Variants in RALYL observed in about 807,000 individuals in gnomAD.
The protein encoded by RALYL is RNA-binding Raly-like protein.
RALYL carries 29 observed loss-of-function variants against 35.1 expected under a neutral mutation model. The observed-to-expected ratio is 0.83, with a 90% confidence interval of 0.61 to 1.13. RALYL has a LOEUF of 1.13. Ranked by LOEUF, RALYL falls within the 50% of genes most tolerant of loss-of-function variation. The pLI is 0.00. For synonymous variants in RALYL, 120 were observed against 127.6 expected (o/e 0.94, Z 0.40); for missense variants, 359 against 360.4 (o/e 1.00, Z 0.03).
Position 84,529,842 on chromosome 8 carries a change from A to T in RALYL, c.256+265A>T, listed in dbSNP as rs574723817. On this transcript the variant is annotated intron_variant, in intron 2 of 8. Coordinates refer to ENST00000521268, the MANE Select transcript of RALYL (RefSeq NM_173848.7). ...TCCTAACACAGCCAGGCAAATAATA[A>T]ATATGCATCAGGTTTAACTTTATTT... Among the ~76,000 whole-genome samples the T allele has an allele frequency of 3.3e-5, 5 of 152,290 alleles. No homozygotes were observed. In the East Asian group the frequency reaches 9.7e-4, roughly 29 times the overall value.
In RALYL at chr8:84,762,447, C is replaced by T. The variant is rs1812945648; in HGVS notation, c.257-12132C>T. ...TTCCTTATAGAATTCTTAAGAATCA[C>T]ATTTAATTTAATGGCTTTTTACTTT... On this transcript the variant is annotated intron_variant, in intron 2 of 8. Coordinates refer to ENST00000521268, the MANE Select transcript of RALYL (RefSeq NM_173848.7). Among the ~76,000 whole-genome samples, 3 of 152,274 alleles carry T rather than the reference C, an allele frequency of 2.0e-5. No homozygotes were observed. In the South Asian group the frequency reaches 6.2e-4, roughly 32 times the overall value.
chr8:84,553,092 T>C (rs1006554645), intron 2 of RALYL, among the ~76,000 whole-genome samples: 1 of 151,886 alleles, frequency 6.6e-6, no homozygotes, highest in Non-Finnish European at 1.5e-5. Flanking sequence ...TTTGAATTTA[T>C]ATAAAGTAAA....
At chr8:84,442,663 G>A (rs570669298) in intron 1 of RALYL, among the ~76,000 whole-genome samples, 1 of 152,242 alleles carries the variant, frequency 6.6e-6, no homozygotes, top group South Asian at 2.1e-4. Flanking sequence ...ACAGGAAACA[G>A]CAAAAGGAAG....
intron 1 of RALYL, among the ~76,000 whole-genome samples, chr8:84,407,872 A>C (rs1046094873): frequency 2.6e-5 from 4 of 152,092 alleles, no homozygotes; most frequent in African/African-American, 9.7e-5. Flanking sequence ...TAATTAAGGA[A>C]CACTCTAATT....
intron 1 of RALYL, among the ~76,000 whole-genome samples, chr8:84,242,354 A>G (rs1478971799): frequency 6.6e-6 from 1 of 152,170 alleles, no homozygotes; most frequent in African/African-American, 2.4e-5. Context: ...TTGGGTATAT[A>G]CCCAATAACA....
intron 2 of RALYL, among the ~76,000 whole-genome samples, chr8:84,762,223 T>C (rs1298216761): frequency 1.3e-5 from 2 of 152,198 alleles, no homozygotes; most frequent in Non-Finnish European, 2.9e-5. Flanking sequence ...CACTCTTGTT[T>C]ACACAACAGC....
At chr8:84,199,069 A>G (rs1816178993) in intron 1 of RALYL, among the ~76,000 whole-genome samples, 1 of 152,200 alleles carries the variant, frequency 6.6e-6, no homozygotes, top group Non-Finnish European at 1.5e-5. Flanking sequence ...AGGAACCTCC[A>G]AACCGTTTTC....
intron 2 of RALYL, among the ~76,000 whole-genome samples, chr8:84,759,967 C>T (rs2133350225): frequency 6.6e-6 from 1 of 152,238 alleles, no homozygotes; most frequent in South Asian, 2.1e-4. Context: ...GCATAAACAT[C>T]AAGACTCCTT....
At chr8:84,705,408 T>C (rs1841024070) in intron 2 of RALYL, among the ~76,000 whole-genome samples, 1 of 152,150 alleles carries the variant, frequency 6.6e-6, no homozygotes, top group Non-Finnish European at 1.5e-5. Flanking sequence ...GTGTGCACCT[T>C]CTATGTAAAG....
intron 2 of RALYL, among the ~76,000 whole-genome samples, chr8:84,540,625 A>AT (rs1156902895): frequency 2.0e-5 from 3 of 151,632 alleles, no homozygotes; most frequent in Non-Finnish European, 1.5e-5. Context: ...GGCTTATAAT[A>AT]TTTTTTCTGG....
intron 2 of RALYL, among the ~76,000 whole-genome samples, chr8:84,573,358 T>C (rs951830682): frequency 1.4e-4 from 22 of 151,746 alleles, no homozygotes; most frequent in African/African-American, 5.1e-4. Context: ...TTTTTATTCC[T>C]ATCAGGTCCT....
chr8:84,812,611 C>T (rs1586474100), intron 4 of RALYL, among the ~76,000 whole-genome samples: 1 of 152,112 alleles, frequency 6.6e-6, no homozygotes. Flanking sequence ...GCTGTGGCTG[C>T]TGTGGGGGAC....
chr8:84,817,740 A>G (rs1197763855), intron 4 of RALYL, among the ~76,000 whole-genome samples: 1 of 151,724 alleles, frequency 6.6e-6, no homozygotes, highest in Non-Finnish European at 1.5e-5. Flanking sequence ...TTTTCTAGAA[A>G]CGGGGGGTCT....
chr8:84,530,008 C>T (rs951238208), intron 2 of RALYL, among the ~76,000 whole-genome samples: 4 of 151,748 alleles, frequency 2.6e-5, no homozygotes, highest in Admixed American at 6.6e-5. Flanking sequence ...TAGAAAATAG[C>T]GAAAGAAAGT....
chr8:84,553,250 T>C (rs1369414554), intron 2 of RALYL, among the ~76,000 whole-genome samples: 2 of 152,178 alleles, frequency 1.3e-5, no homozygotes, highest in Non-Finnish European at 2.9e-5. Flanking sequence ...TAACCTCTAA[T>C]ACCTGGGCTC....
At chr8:84,668,460 A>C (rs1414093698) in intron 2 of RALYL, among the ~76,000 whole-genome samples, 3 of 152,144 alleles carry the variant, frequency 2.0e-5, no homozygotes, top group African/African-American at 7.2e-5. Context: ...AAAGACAAAG[A>C]CACAGTGATT....
rs544321275 is a variant in RALYL, at chr8:84,243,855, T to G, written c.-24+59431T>G. Among the ~76,000 whole-genome samples the G allele has an allele frequency of 2.0e-5, 3 of 152,200 alleles. No individual in the cohort carries two copies. In the South Asian group the frequency reaches 6.2e-4, roughly 32 times the overall value. ...CAGAGTTGGAATCTTGCACTATAAG[T>G]TAGGAGTCTGGGAGGATATAAGTCA... On this transcript the variant is annotated intron_variant, in intron 1 of 8. Coordinates refer to ENST00000521268, the MANE Select transcript of RALYL (RefSeq NM_173848.7).
intron 3 of RALYL, among the ~76,000 whole-genome samples, chr8:84,786,607 G>A (rs1029464547): frequency 1.3e-5 from 2 of 151,948 alleles, no homozygotes; most frequent in African/African-American, 4.8e-5. Context: ...CCATGTGTTC[G>A]CTGGCTGCAT....
intron 2 of RALYL, among the ~76,000 whole-genome samples, chr8:84,604,108 A>G (rs1816591600): frequency 6.6e-6 from 1 of 152,136 alleles, no homozygotes; most frequent in African/African-American, 2.4e-5. Context: ...TTAAAAATGA[A>G]TGGATATTTT....
Sources: gnomAD v4.1 joint callset for allele counts (sites outside exome capture counted in the v4.1 genomes callset) on GRCh38, gnomAD v4.1.1 for gene constraint, MANE v1.5 for transcripts, NCBI Gene and HGNC (gene_info 2026-07-23, HGNC 2026-07-21) for gene names.